ORMDL1: variants seen among roughly 807,000 people sequenced by gnomAD.
ORMDL1 encodes ORM1-like protein 1.
In ORMDL1, 10 loss-of-function variants were observed where a neutral mutation model predicts 13.0. That is an observed-to-expected ratio of 0.77 (90% CI 0.47 to 1.30). The LOEUF (loss-of-function observed/expected upper bound fraction) is 1.30, where lower values mean the gene tolerates loss of function less well. ORMDL1 is among the 50% of genes most tolerant of loss of function. The probability of loss-of-function intolerance (pLI) is 0.00; values close to 1 mark genes in which losing one functional copy is unlikely to be tolerated. For synonymous variants in ORMDL1, 61 were observed against 63.9 expected (o/e 0.95, Z 0.22); for missense variants, 171 against 186.7 (o/e 0.92, Z 0.49).
intron 2 of ORMDL1, 58 bp downstream of exon 2, chr2:189,782,956 C>A: frequency 5.7e-6 from 1 of 176,386 alleles, no homozygotes; most frequent in South Asian, 1.6e-4. Flanking sequence ...AGTGAAAAGC[C>A]AAAAGCTAAA....
downstream of ORMDL1, among the ~76,000 whole-genome samples, chr2:189,770,020 T>C (rs551088508): frequency 6.6e-6 from 1 of 152,220 alleles, no homozygotes; most frequent in Non-Finnish European, 1.5e-5. Context: ...GAGTTGGTTT[T>C]TCTTGTCTAC....
chr2:189,768,226 A>G (rs896408556), downstream of ORMDL1, among the ~76,000 whole-genome samples: 1 of 152,154 alleles, frequency 6.6e-6, no homozygotes. Flanking sequence ...CTTTTAGGGT[A>G]TTTTACCTAG....
Position 189,771,546 on chromosome 2 carries a change from G to C in ORMDL1, c.*221C>G, listed in dbSNP as rs1351836124. Reference sequence around the variant, plus strand: ...CTTATAAGCTGGGCCTGCCCAGCCTGCTTATAAAGCCCCTCTTCAGAAATG... The same window carrying C: ...CTTATAAGCTGGGCCTGCCCAGCCTCCTTATAAAGCCCCTCTTCAGAAATG... On this transcript the variant is annotated 3_prime_UTR_variant, in exon 5 of 5. Transcript: ENST00000392349. The C allele has an allele frequency of 1.9e-5, 7 of 377,882 alleles. No individual in the cohort carries two copies. Among genetic ancestry groups the C allele is most frequent in the Non-Finnish European group, 3.3e-5 (7 of 214,720 alleles). The allele number at this position is 377,882 out of a possible 1,614,324, so 23.4% of individuals were successfully genotyped here. A position where few individuals can be genotyped will look rare whatever the true frequency, so the allele number is the denominator to read the frequency against.
chr2:189,780,852 A>T (rs2047808596), intron 3 of ORMDL1, among the ~76,000 whole-genome samples: 1 of 152,258 alleles, frequency 6.6e-6, no homozygotes, highest in Non-Finnish European at 1.5e-5. Flanking sequence ...TATCATGTCT[A>T]CCAGCACATC....
the ORMDL1 span, chr2:189,764,447 T>C: frequency 6.6e-6 from 1 of 152,248 alleles, no homozygotes; most frequent in South Asian, 2.1e-4. Context: ...GCTGTTATTA[T>C]GTGAAACAGG....
chr2:189,766,252 T>C (rs1022757154), downstream of ORMDL1, among the ~76,000 whole-genome samples: 11 of 152,252 alleles, frequency 7.2e-5, 1 homozygote, highest in Non-Finnish European at 1.3e-4. Context: ...TGAACCATTA[T>C]GCTTATTTTA....
downstream of ORMDL1, among the ~76,000 whole-genome samples, chr2:189,766,175 G>C (rs1418879833): frequency 6.6e-6 from 1 of 152,132 alleles, no homozygotes; most frequent in African/African-American, 2.4e-5. Flanking sequence ...TCTTGATGTG[G>C]AACGTTCTTT....
At chr2:189,772,719 A>C (rs2047605560) in intron 4 of ORMDL1, among the ~76,000 whole-genome samples, 2 of 152,236 alleles carry the variant, frequency 1.3e-5, no homozygotes, top group Non-Finnish European at 2.9e-5. Context: ...TTAAGAAGTT[A>C]GTTTCTATTT....
At chr2:189,771,936 T>A in intron 4 of ORMDL1, 34 bp from the exon 5 acceptor site, 3 of 1,438,548 alleles carry the variant, frequency 2.1e-6, no homozygotes, top group African/African-American at 1.5e-5. Flanking sequence ...ATATATAACA[T>A]CCAAAAATAA....
chr2:189,772,383 G>A (rs1277995327), intron 4 of ORMDL1, among the ~76,000 whole-genome samples: 1 of 152,142 alleles, frequency 6.6e-6, no homozygotes, highest in Non-Finnish European at 1.5e-5. Context: ...ATAAATATTT[G>A]GTTGCCCTTT....
chr2:189,783,986 G>C (rs1335151865), intron 1 of ORMDL1: 1 of 152,394 alleles, frequency 6.6e-6, no homozygotes, highest in Non-Finnish European at 1.5e-5. Context: ...GAGCGCTCTG[G>C]GCCAGAGAAA....
intron 3 of ORMDL1, among the ~76,000 whole-genome samples, chr2:189,778,923 T>C (rs7606224): frequency 0.98 from 149,390 of 152,212 alleles, 73,371 homozygotes; most frequent in South Asian, 1. Context: ...CCCTGAGTAC[T>C]ATGGCTCACT....
chr2:189,779,130 A>G lies in ORMDL1; in HGVS notation c.174+3292T>C, dbSNP rs147400936. ...GAGTTCGAGGCTGCAGTGAGCTATG[A>G]TCATGCCACTGCACTCCAGCCTGGG... On this transcript the variant is annotated intron_variant, in intron 3 of 4. Coordinates refer to ENST00000392349, the MANE Select transcript of ORMDL1 (RefSeq NM_016467.5). Among the ~76,000 whole-genome samples the G allele has an allele frequency of 1.9e-3, 287 of 152,232 alleles. 2 individuals are homozygous for G. The highest frequency in any genetic ancestry group is 6.3e-3 in the African/African-American group (262 of 41,550).
intron 3 of ORMDL1, among the ~76,000 whole-genome samples, chr2:189,780,664 GAAGA>G (rs1197543922): frequency 6.6e-6 from 1 of 152,140 alleles, no homozygotes; most frequent in East Asian, 1.9e-4. Context: ...GACCCCATAA[GAAGA>G]AAGAGAAGGT....
chr2:189,776,265 T>C (rs536567831), intron 3 of ORMDL1, among the ~76,000 whole-genome samples: 1 of 152,316 alleles, frequency 6.6e-6, no homozygotes, highest in Non-Finnish European at 1.5e-5. Context: ...ATAGGTATAA[T>C]GTTCCACTCA....
chr2:189,778,240 CA>C, intron 3 of ORMDL1: 1 of 393,162 alleles, frequency 2.5e-6, no homozygotes, highest in Non-Finnish European at 5.0e-6. Context: ...ACTAAAAATA[CA>C]AAAATTAGCC....
downstream of ORMDL1, among the ~76,000 whole-genome samples, chr2:189,766,179 G>A (rs115881806): frequency 5.9e-5 from 9 of 152,072 alleles, no homozygotes; most frequent in African/African-American, 1.9e-4. Flanking sequence ...GATGTGGAAC[G>A]TTCTTTCATT....
At chr2:189,764,725 A>G in the ORMDL1 span, 1 of 152,182 alleles carries the variant, frequency 6.6e-6, no homozygotes, top group Non-Finnish European at 1.5e-5. Context: ...GTTCCAGCTG[A>G]ATCTAGATAT....
rs11288908 is a variant in ORMDL1 at position 189,781,945 on chromosome 2, CTT to C, written c.174+475_174+476del. Among the ~76,000 whole-genome samples the C allele has an allele frequency of 1.9e-3, 254 of 136,710 alleles. 1 individual carries two copies. Among genetic ancestry groups the C allele is most frequent in the South Asian group, 9.1e-3 (39 of 4,292 alleles). 89.7% of individuals were successfully genotyped at this position (136,710 alleles called of 152,430 possible). ...GTCATAAAGTTTACCATCTTAGACA[CTT>C]TTTTTTTTTTTTTGAGACGAAATCT... On this transcript the variant is annotated intron_variant, in intron 3 of 4. Transcript: ENST00000392349.
Sources: allele counts gnomAD v4.1 joint callset (sites outside exome capture counted in the v4.1 genomes callset), GRCh38; gene constraint gnomAD v4.1.1; transcripts MANE v1.5; gene names NCBI Gene and HGNC (gene_info 2026-07-23, HGNC 2026-07-21).